Variants in ARHGAP12 observed in about 807,000 individuals in gnomAD.
ARHGAP12 encodes the protein Rho GTPase activating protein 12, also known as rho GTPase-activating protein 12.
ARHGAP12 carries 64 observed loss-of-function variants against 108.6 expected under a neutral mutation model. The ratio of observed to expected loss-of-function variants is 0.59; its 90% CI spans 0.48 to 0.73. The LOEUF is 0.73. Ranked by LOEUF, ARHGAP12 falls within the 30% of genes least tolerant of loss-of-function variation. The pLI, the probability that ARHGAP12 is intolerant of heterozygous loss-of-function variation, is 0.00. For synonymous variants in ARHGAP12, 312 were observed against 337.2 expected, an observed-to-expected ratio of 0.93 and a Z score of 0.82; for missense variants, 940 against 1,005.9, an observed-to-expected ratio of 0.93 and a Z score of 0.89.
At position 31,872,267 on chromosome 10, in the gene ARHGAP12, T is replaced by C. The variant is rs193235461; in HGVS notation, c.685-10609A>G. Among the ~76,000 whole-genome samples, 334 of 152,258 alleles carry C rather than the reference T, an allele frequency of 2.2e-3. 2 individuals carry two copies. Among genetic ancestry groups the C allele is most frequent in the Middle Eastern group, 6.8e-3 (2 of 294 alleles). On this transcript the variant is annotated intron_variant, in intron 3 of 19. Coordinates refer to ENST00000344936, the MANE Select transcript of ARHGAP12 (RefSeq NM_018287.7). ...TGGGAAATCGATTACCTAAACTCTA[T>C]TGCTTCAATAAAACCAAAATCTCTC...
At chr10:31,924,244 C>T (rs969156867) in intron 1 of ARHGAP12, among the ~76,000 whole-genome samples, 1 of 152,168 alleles carries the variant, frequency 6.6e-6, no homozygotes, top group Non-Finnish European at 1.5e-5. Context: ...CACACAAAGG[C>T]CTTACATGAA....
At chr10:31,859,206 A>G (rs1413288029) in intron 4 of ARHGAP12, among the ~76,000 whole-genome samples, 1 of 152,226 alleles carries the variant, frequency 6.6e-6, no homozygotes, top group Admixed American at 6.5e-5. Flanking sequence ...GAGGGACCAC[A>G]TGCAAAATGA....
At chr10:31,897,610 G>A (rs1278627920) in intron 3 of ARHGAP12, among the ~76,000 whole-genome samples, 1 of 152,058 alleles carries the variant, frequency 6.6e-6, no homozygotes, top group Non-Finnish European at 1.5e-5. Flanking sequence ...AAAGCCTCTG[G>A]TACCTACAAC....
intron 6 of ARHGAP12, among the ~76,000 whole-genome samples, chr10:31,845,952 TTGTC>T (rs1181395114): frequency 6.6e-6 from 1 of 152,212 alleles, no homozygotes; most frequent in Non-Finnish European, 1.5e-5. Context: ...TTATCATTAA[TTGTC>T]TGTTTCTCCT....
rs1159273812 is a variant in ARHGAP12, at chr10:31,810,686, C to G, written c.2013G>C (p.Lys671Asn). Residue 671 changes from lysine to asparagine, a missense_variant, in exon 16 of 20, where the codon AAG (lysine) becomes AAC (asparagine). Coordinates refer to ENST00000344936, the MANE Select transcript of ARHGAP12 (RefSeq NM_018287.7). Reference protein sequence around the residue: ...LCQRENGTVPKFVKLCIEHVE... With the variant: ...LCQRENGTVPNFVKLCIEHVE... ...CATGTTCAATACATAACTTCACAAA[C>G]TTTGGTACTGTGCCATTCTCTCTCT... The G allele has an allele frequency of 1.2e-6, 2 of 1,606,462 alleles. No homozygotes were observed. Among genetic ancestry groups the G allele is most frequent in the African/African-American group, 1.3e-5 (1 of 74,386 alleles).
At chr10:31,838,619 C>T (rs1389956070) in intron 9 of ARHGAP12, among the ~76,000 whole-genome samples, 3 of 151,952 alleles carry the variant, frequency 2.0e-5, no homozygotes, top group Admixed American at 6.6e-5. Flanking sequence ...CACTTGAGGG[C>T]AGGAGTTTGA....
At chr10:31,880,913 A>C (rs1435562726) in intron 3 of ARHGAP12, among the ~76,000 whole-genome samples, 1 of 147,528 alleles carries the variant, frequency 6.8e-6, no homozygotes, top group African/African-American at 2.5e-5. Flanking sequence ...AAAAAAAAAA[A>C]TTAGCCAGGT....
Position 31,806,074 on chromosome 10 carries a change from C to A in ARHGAP12, c.*1584G>T, listed in dbSNP as rs1225725411. On this transcript the variant is annotated 3_prime_UTR_variant, in exon 20 of 20. Transcript: ENST00000344936. ...AAATGCAACCCTAAGAAAAAAAAAT[C>A]CTGGTCACAAATCACTCGCTTTCAA... 1 of 151,728 alleles carries A rather than the reference C, an allele frequency of 6.6e-6. No homozygotes were observed. The highest frequency in any genetic ancestry group is 2.4e-5 in the African/African-American group (1 of 41,146). 9.4% of individuals were successfully genotyped at this position (151,728 alleles called of 1,614,324 possible).
At chr10:31,895,854 G>C (rs1410730688) in intron 3 of ARHGAP12, among the ~76,000 whole-genome samples, 1 of 152,162 alleles carries the variant, frequency 6.6e-6, no homozygotes, top group Non-Finnish European at 1.5e-5. Context: ...GTCCAACAAT[G>C]ATAGACTGCA....
intron 3 of ARHGAP12, among the ~76,000 whole-genome samples, chr10:31,884,458 C>T (rs1005286665): frequency 3.3e-5 from 5 of 151,926 alleles, no homozygotes; most frequent in Admixed American, 1.3e-4. Flanking sequence ...ATAGATATGT[C>T]GGACAAGGAA....
At chr10:31,823,547 T>C (rs1280653027) in intron 11 of ARHGAP12, among the ~76,000 whole-genome samples, 2 of 152,158 alleles carry the variant, frequency 1.3e-5, no homozygotes, top group Non-Finnish European at 2.9e-5. Flanking sequence ...CGTGGGTGAC[T>C]GTGCTCAGCG....
At chr10:31,898,123 C>G (rs555968699) in intron 3 of ARHGAP12, among the ~76,000 whole-genome samples, 107 of 152,248 alleles carry the variant, frequency 7.0e-4, no homozygotes, top group African/African-American at 2.4e-3. Context: ...AACCTTGTCT[C>G]AACAACTACA....
At chr10:31,856,169 C>G (rs1592295109) in intron 4 of ARHGAP12, among the ~76,000 whole-genome samples, 4 of 152,004 alleles carry the variant, frequency 2.6e-5, no homozygotes, top group Admixed American at 2.0e-4. Flanking sequence ...GAAAATGTTA[C>G]ATAAAATTTT....
intron 4 of ARHGAP12, among the ~76,000 whole-genome samples, chr10:31,859,797 T>TG (rs1249653161): frequency 3.3e-4 from 49 of 146,512 alleles, no homozygotes; most frequent in African/African-American, 1.1e-3. Flanking sequence ...AATAAAATTT[T>TG]CCTTTTTTTT....
chr10:31,894,457 GACAA>G (rs1296882746), intron 3 of ARHGAP12, among the ~76,000 whole-genome samples: 2 of 151,886 alleles, frequency 1.3e-5, no homozygotes, highest in African/African-American at 2.4e-5. Flanking sequence ...ACCAATAACA[GACAA>G]ACAGAGAGCC....
intron 6 of ARHGAP12, among the ~76,000 whole-genome samples, chr10:31,848,602 G>C (rs1592285096): frequency 6.6e-6 from 1 of 152,124 alleles, no homozygotes; most frequent in East Asian, 1.9e-4. Flanking sequence ...TATGCTGACT[G>C]CATTTTTTAT....
At chr10:31,869,554 CAAA>C (rs1238454478) in intron 3 of ARHGAP12, among the ~76,000 whole-genome samples, 1 of 151,306 alleles carries the variant, frequency 6.6e-6, no homozygotes, top group Non-Finnish European at 1.5e-5. Flanking sequence ...AACAAACAAA[CAAA>C]CAACAAAACA....
At chr10:31,867,854 G>A (rs1302832185) in intron 3 of ARHGAP12, among the ~76,000 whole-genome samples, 2 of 150,994 alleles carry the variant, frequency 1.3e-5, no homozygotes, top group African/African-American at 2.5e-5. Context: ...CAACAGATGA[G>A]GCAATACTAA....
intron 8 of ARHGAP12, 96 bp downstream of exon 8, chr10:31,839,541 A>C (rs1156415950): frequency 8.2e-7 from 1 of 1,220,356 alleles, no homozygotes; most frequent in Non-Finnish European, 1.1e-6. Flanking sequence ...AATTTAATAG[A>C]AGCTCATTTA....
Sources: allele counts gnomAD v4.1 joint callset (sites outside exome capture counted in the v4.1 genomes callset), GRCh38; gene constraint gnomAD v4.1.1; transcripts MANE v1.5; gene names NCBI Gene and HGNC (gene_info 2026-07-23, HGNC 2026-07-21).